Variants in SKAP2 observed in about 807,000 individuals in gnomAD.
SKAP2 encodes the protein src kinase associated phosphoprotein 2, also known as src kinase-associated phosphoprotein 2.
A neutral mutation model predicts 54.9 loss-of-function variants in SKAP2; 28 were observed. The observed-to-expected ratio is 0.51, with a 90% confidence interval of 0.38 to 0.70. The LOEUF is 0.70. Ranked by LOEUF, SKAP2 falls within the 30% of genes least tolerant of loss-of-function variation. The pLI is 0.00. For missense variants in SKAP2, 356 were observed against 424.1 expected, an observed-to-expected ratio of 0.84 and a Z score of 1.41; for synonymous variants, 137 against 134.3, an observed-to-expected ratio of 1.02 and a Z score of -0.14.
chr7:26,864,055 T>TCTCA (rs1554310125), intron 1 of SKAP2, among the ~76,000 whole-genome samples: 7 of 143,332 alleles, frequency 4.9e-5, no homozygotes, highest in Admixed American at 1.4e-4. Flanking sequence ...CGCCCTTCTG[T>TCTCA]CACACACACA....
chr7:26,668,679 T>TA lies in SKAP2; in HGVS notation c.*986_*987insT, dbSNP rs1158192337. ...GAGATTCTGTTTTTTTTTTTTTTTT[T>TA]TTCTGAGATGGAGTCTCACTCTGTC... On this transcript the variant is annotated 3_prime_UTR_variant, in exon 13 of 13. Transcript: ENST00000345317. 240 of 151,242 alleles carry TA rather than the reference T, an allele frequency of 1.6e-3. 1 individual carries two copies. Among genetic ancestry groups the TA allele is most frequent in the African/African-American group, 5.6e-3 (231 of 41,046 alleles). 9.4% of individuals were successfully genotyped at this position (151,242 alleles called of 1,614,324 possible). A position where few individuals can be genotyped will look rare whatever the true frequency, so the allele number is the denominator to read the frequency against.
chr7:26,738,830 C>T lies in SKAP2; in HGVS notation c.434G>A (p.Ser145Asn). 1.9e-6 allele frequency: 3 copies of T among 1,607,410 alleles called. No homozygotes were observed. The highest frequency in any genetic ancestry group is 2.6e-6 in the Non-Finnish European group (3 of 1,174,294). ...TCCATAATAATAGAATACCGTTTTA[C>T]TGAGAGCACACCACCGTTTCTGCCA... ...FEWQKRWCAL[S>N]KTVFYYYGSD... is the part of the protein sequence containing the mutation. Residue 145 changes from serine to asparagine, a missense_variant, in exon 6 of 13, where the codon AGT (serine) becomes AAT (asparagine). Ser to Asn is a conservative substitution (Grantham distance 46). Transcript: ENST00000345317.
chr7:26,746,350 C>G (rs992555259), intron 4 of SKAP2, among the ~76,000 whole-genome samples: 2 of 152,124 alleles, frequency 1.3e-5, no homozygotes, highest in Non-Finnish European at 2.9e-5. Flanking sequence ...TACAAAGATG[C>G]AGGGATGCAG....
chr7:26,675,358 A>G (rs1434136696), intron 11 of SKAP2, among the ~76,000 whole-genome samples: 1 of 152,176 alleles, frequency 6.6e-6, no homozygotes, highest in Admixed American at 6.5e-5. Flanking sequence ...ATCCTGTCCA[A>G]TGACTAAGAC....
chr7:26,775,094 C>T (rs1382369704), intron 4 of SKAP2, among the ~76,000 whole-genome samples: 1 of 152,168 alleles, frequency 6.6e-6, no homozygotes, highest in Non-Finnish European at 1.5e-5. Context: ...TGCACACAAA[C>T]ACTATCAAGA....
intron 9 of SKAP2, among the ~76,000 whole-genome samples, chr7:26,704,469 T>C (rs1787114329): frequency 6.6e-6 from 1 of 152,166 alleles, no homozygotes; most frequent in Non-Finnish European, 1.5e-5. Flanking sequence ...ATACAGCAAA[T>C]TAAAGCACTT....
intron 7 of SKAP2, 159 bp downstream of exon 7, chr7:26,726,723 T>A (rs1055236830): frequency 7.4e-6 from 4 of 537,490 alleles, no homozygotes; most frequent in Non-Finnish European, 1.2e-5. Flanking sequence ...TTTTAAAAAT[T>A]TCCTCTTATA....
intron 4 of SKAP2, among the ~76,000 whole-genome samples, chr7:26,762,223 C>T (rs1178153324): frequency 2.0e-5 from 3 of 151,796 alleles, no homozygotes; most frequent in South Asian, 2.1e-4. Flanking sequence ...GAGTTGTGAA[C>T]GTACCACTGC....
intron 1 of SKAP2, among the ~76,000 whole-genome samples, chr7:26,859,006 T>A (rs1308854401): frequency 1.3e-5 from 2 of 152,006 alleles, no homozygotes; most frequent in African/African-American, 4.8e-5. Context: ...ATACACACAC[T>A]CAGCCTCTGT....
At chr7:26,793,211 A>C (rs1287208868) in intron 4 of SKAP2, among the ~76,000 whole-genome samples, 2 of 152,232 alleles carry the variant, frequency 1.3e-5, no homozygotes, top group Non-Finnish European at 2.9e-5. Context: ...AGGCAAAAGC[A>C]CAATTGCCAA....
chr7:26,717,525 AAAAAAAAAAAAAAAAAAG>A (rs1404201461), intron 9 of SKAP2, among the ~76,000 whole-genome samples: 1 of 131,018 alleles, frequency 7.6e-6, no homozygotes, highest in African/African-American at 3.4e-5. Context: ...AAAAAAAAAA[AAAAAAAAAAAAAAAAAAG>A]GGCCAGATGC....
intron 4 of SKAP2, among the ~76,000 whole-genome samples, chr7:26,823,252 C>T (rs1387350055): frequency 2.6e-5 from 4 of 151,794 alleles, no homozygotes. Flanking sequence ...ATGGTGAAAC[C>T]TCGTCTCTAC....
chr7:26,673,840 A>C (rs1201418566), intron 11 of SKAP2, among the ~76,000 whole-genome samples: 2 of 152,106 alleles, frequency 1.3e-5, no homozygotes, highest in Non-Finnish European at 2.9e-5. Flanking sequence ...CTGGGTAAGA[A>C]GGCAGGAAAA....
intron 4 of SKAP2, among the ~76,000 whole-genome samples, chr7:26,755,134 TTGA>T (rs1258829680): frequency 6.6e-6 from 1 of 152,198 alleles, no homozygotes; most frequent in Non-Finnish European, 1.5e-5. Flanking sequence ...TACCTTAATA[TTGA>T]TAACAAGTTA....
At chr7:26,823,724 C>T (rs1360072961) in intron 4 of SKAP2, among the ~76,000 whole-genome samples, 1 of 152,140 alleles carries the variant, frequency 6.6e-6, no homozygotes, top group Non-Finnish European at 1.5e-5. Flanking sequence ...TCATGGATGA[C>T]TTTGAGGGGT....
chr7:26,755,847 C>T (rs1483209313), intron 4 of SKAP2, among the ~76,000 whole-genome samples: 2 of 152,150 alleles, frequency 1.3e-5, no homozygotes, highest in African/African-American at 4.8e-5. Context: ...CTCCACTCAC[C>T]CCGTTTTGGG....
chr7:26,757,032 T>C (rs1398836411), intron 4 of SKAP2, among the ~76,000 whole-genome samples: 2 of 152,224 alleles, frequency 1.3e-5, no homozygotes, highest in Non-Finnish European at 2.9e-5. Flanking sequence ...GGGTTGTTTT[T>C]TTCTTGTGAA....
At chr7:26,681,381 T>C (rs1181552060) in intron 11 of SKAP2, among the ~76,000 whole-genome samples, 6 of 152,208 alleles carry the variant, frequency 3.9e-5, no homozygotes, top group African/African-American at 1.4e-4. Context: ...GAGGCAGCGG[T>C]TGCGGTGAGC....
At chr7:26,698,222 C>A (rs973898790) in intron 9 of SKAP2, among the ~76,000 whole-genome samples, 10 of 152,102 alleles carry the variant, frequency 6.6e-5, no homozygotes, top group Non-Finnish European at 1.0e-4. Context: ...ACCTCATTTT[C>A]AAGAGCCCAA....
Sources: gnomAD v4.1 joint callset for allele counts (sites outside exome capture counted in the v4.1 genomes callset) on GRCh38, gnomAD v4.1.1 for gene constraint, MANE v1.5 for transcripts, NCBI Gene and HGNC (gene_info 2026-07-23, HGNC 2026-07-21) for gene names.